The following DHODH variants were observed in gnomAD, a reference collection of about 807,000 sequenced individuals.
The protein encoded by DHODH is dihydroorotate dehydrogenase (quinone), also known as dihydroorotate dehydrogenase (quinone), mitochondrial.
Under a neutral mutation model 39.7 loss-of-function variants are expected in DHODH, and 30 were observed. The observed-to-expected ratio is 0.76, with a 90% CI of 0.57 to 1.02. DHODH has a LOEUF of 1.02. Among genes scored for constraint, DHODH ranks in the 50% least tolerant of loss-of-function variants. The pLI is 0.00. For missense variants in DHODH, 531 were observed against 520.8 expected (o/e 1.02, Z -0.19); for synonymous variants, 222 against 213.8 (o/e 1.04, Z -0.34).
At chr16:72,014,821 A>C in intron 3 of DHODH, 149 bp downstream of exon 3, 1 of 814,098 alleles carries the variant, frequency 1.2e-6, no homozygotes, top group East Asian at 2.7e-5. Context: ...TTCAGCATCT[A>C]CTATGTGCCC....
At chr16:72,009,141 C>T (rs1020832860) in intron 1 of DHODH, 1 of 1,150,082 alleles carries the variant, frequency 8.7e-7, no homozygotes, top group Non-Finnish European at 1.1e-6. Context: ...GCTCCCAACC[C>T]TTTTAGGTAA....
chr16:72,009,214 T>C (rs1244929084), intron 1 of DHODH: 2 of 923,784 alleles, frequency 2.2e-6, no homozygotes, highest in African/African-American at 3.6e-5. Context: ...ATGTAATAGG[T>C]GTTCAGAGGC....
intron 4 of DHODH, among the ~76,000 whole-genome samples, chr16:72,019,235 C>T (rs1416072050): frequency 6.6e-6 from 1 of 152,186 alleles, no homozygotes; most frequent in East Asian, 1.9e-4. Context: ...GGATTACAGG[C>T]GTGAGCTGCT....
intron 4 of DHODH, among the ~76,000 whole-genome samples, chr16:72,019,357 T>TGGTGA (rs1250210344): frequency 6.6e-6 from 1 of 152,190 alleles, no homozygotes; most frequent in Non-Finnish European, 1.5e-5. Flanking sequence ...GTTGGGAAGG[T>TGGTGA]GGTGAGCAGT....
At chr16:72,015,019 G>A (rs930503761) in intron 3 of DHODH, among the ~76,000 whole-genome samples, 2 of 152,122 alleles carry the variant, frequency 1.3e-5, no homozygotes, top group Non-Finnish European at 2.9e-5. Flanking sequence ...GCTCTTACTC[G>A]ACACTGTCCA....
At position 72,017,770 on chromosome 16, in the gene DHODH, C is replaced by CTTTTTTTTT. The variant is rs71153696; in HGVS notation, c.517+674_517+682dup. The stretch of plus-strand genomic sequence containing the variant: ...CTCTAAAAAAACCAAAAACAACATG[C>CTTTTTTTTT]TTTTTTTTTTTTTTTTTTGAGACGG... On this transcript the variant is annotated intron_variant, in intron 4 of 8. Transcript: ENST00000219240. Among the ~76,000 whole-genome samples the CTTTTTTTTT allele has an allele frequency of 1.2e-3, 121 of 103,792 alleles. 11 individuals carry two copies. The highest frequency in any genetic ancestry group is 3.7e-3 in the African/African-American group (84 of 22,694). The allele number at this position is 103,792 out of a possible 152,430, so 68.1% of individuals were successfully genotyped here.
chr16:72,021,368 C>T, intron 5 of DHODH, 57 bp downstream of exon 5: 1 of 1,528,950 alleles, frequency 6.5e-7, no homozygotes, highest in East Asian at 2.4e-5. Context: ...CACCTGCTCC[C>T]CTTCATTCTC....
At chr16:72,018,069 T>C (rs943905818) in intron 4 of DHODH, among the ~76,000 whole-genome samples, 2 of 151,494 alleles carry the variant, frequency 1.3e-5, no homozygotes, top group Admixed American at 6.6e-5. Flanking sequence ...CCACCGCGCC[T>C]GGCCACAACA....
chr16:72,011,352 GT>G (rs1455694649), intron 1 of DHODH, among the ~76,000 whole-genome samples: 1 of 152,204 alleles, frequency 6.6e-6, no homozygotes, highest in Non-Finnish European at 1.5e-5. Flanking sequence ...TGAAAACCAT[GT>G]AGAGGCTGGG....
At chr16:72,009,929 A>G (rs2041065201) in intron 1 of DHODH, among the ~76,000 whole-genome samples, 1 of 151,996 alleles carries the variant, frequency 6.6e-6, no homozygotes, top group African/African-American at 2.4e-5. Flanking sequence ...AAATAAATGG[A>G]GAGAGATGGG....
intron 3 of DHODH, chr16:72,015,640 C>G: frequency 4.2e-6 from 4 of 960,330 alleles, no homozygotes; most frequent in Non-Finnish European, 5.0e-6. Flanking sequence ...GGGAAATTCT[C>G]CAGCATTAGA....
rs1485950578 is a variant in DHODH, at chr16:72,025,051, T to A, written c.*852T>A. ...GATAAAATATTCACGTCTTATGTAT[T>A]TATTATTGCTGAGTCATTGGTGCCT... is the stretch of plus-strand genomic sequence containing the variant. On this transcript the variant is annotated 3_prime_UTR_variant, in exon 9 of 9. Transcript: ENST00000219240. 6.6e-6 allele frequency: 1 copy of A among 152,246 alleles called. No individual in the cohort carries two copies. Among genetic ancestry groups the A allele is most frequent in the African/African-American group, 2.4e-5 (1 of 41,450 alleles). The allele number at this position is 152,246 out of a possible 1,614,324, so 9.4% of individuals were successfully genotyped here.
rs375281379 is a variant in DHODH, at chr16:72,012,207, G to C, written c.179G>C (p.Arg60Pro). Residue 60 changes from arginine to proline, a missense_variant, in exon 2 of 9, where the codon CGC becomes CCC. By Grantham distance (103) the Arg-to-Pro change is moderately radical. Transcript: ENST00000219240. ...GAGTCAGCCCACAGACTGGCTGTTC[G>C]CTTCACCTCCCTGGGGCTCCTTCCA... Reference protein sequence around the residue: ...DPESAHRLAVRFTSLGLLPRA... With the variant: ...DPESAHRLAVPFTSLGLLPRA... 1 of 1,614,114 alleles carries C rather than the reference G, an allele frequency of 6.2e-7. No individual in the cohort carries two copies. The highest frequency in any genetic ancestry group is 8.5e-7 in the Non-Finnish European group (1 of 1,180,020).
intron 4 of DHODH, among the ~76,000 whole-genome samples, chr16:72,018,015 C>G (rs1464899266): frequency 6.6e-6 from 1 of 152,144 alleles, no homozygotes; most frequent in Non-Finnish European, 1.5e-5. Context: ...ACCTGGTGAT[C>G]CGCCTGCCTC....
intron 5 of DHODH, 121 bp from the exon 6 acceptor site, chr16:72,022,241 A>T: frequency 1.3e-6 from 1 of 746,098 alleles, no homozygotes; most frequent in Admixed American, 2.0e-5. Context: ...CCTGAAAAGA[A>T]ATTGTTTCTG....
At chr16:72,011,485 G>T (rs1239527399) in intron 1 of DHODH, among the ~76,000 whole-genome samples, 2 of 152,198 alleles carry the variant, frequency 1.3e-5, no homozygotes, top group African/African-American at 2.4e-5. Context: ...CAAAAAATTG[G>T]CTGGGCTTGG....
At chr16:72,008,868 G>T in intron 1 of DHODH, 83 bp downstream of exon 1, 3 of 1,550,628 alleles carry the variant, frequency 1.9e-6, no homozygotes, top group Non-Finnish European at 2.6e-6. Context: ...GGCGAGGCAT[G>T]GACCGAAGGC....
At chr16:72,008,896 C>T (rs1192376858) in intron 1 of DHODH, 111 bp downstream of exon 1, 1 of 1,547,090 alleles carries the variant, frequency 6.5e-7, no homozygotes, top group Non-Finnish European at 8.7e-7. Flanking sequence ...GGAGTGTGGG[C>T]CCCCCTGGGA....
rs761246691 is a variant in DHODH, at chr16:72,021,298, G to A, written c.692G>A (p.Arg231His). Residue 231 changes from arginine (R) to histidine (H), a missense_variant, in exon 5 of 9, where the codon CGC becomes CAC. Transcript: ENST00000219240. ...CTTCAGGGAAAGGCCGAGCTGCGCC[G>A]CCTGCTGACCAAGGTGGGCAGCTGC... is the stretch of plus-strand genomic sequence containing the variant. ...RSLQGKAELR[R>H]LLTKVLQERD... 1.7e-5 allele frequency: 27 copies of A among 1,606,696 alleles called. No individual in the cohort carries two copies. Among genetic ancestry groups the A allele is most frequent in the East Asian group, 1.1e-4 (5 of 44,676 alleles).
Sources: allele counts gnomAD v4.1 joint callset (sites outside exome capture counted in the v4.1 genomes callset), GRCh38; gene constraint gnomAD v4.1.1; transcripts MANE v1.5; gene names NCBI Gene and HGNC (gene_info 2026-07-23, HGNC 2026-07-21).